SLC41A2: variants seen among roughly 807,000 people sequenced by gnomAD.
The protein encoded by SLC41A2 is solute carrier family 41 member 2, also known as SLC41A1-like 1.
SLC41A2 carries 32 observed loss-of-function variants against 58.3 expected under a neutral mutation model. The ratio of observed to expected loss-of-function variants is 0.55; its 90% CI spans 0.41 to 0.74. The LOEUF (loss-of-function observed/expected upper bound fraction) is 0.74. Ranked by LOEUF, SLC41A2 falls within the 30% of genes least tolerant of loss-of-function variation. The probability of loss-of-function intolerance (pLI) is 0.00; values close to 1 mark genes in which losing one functional copy is unlikely to be tolerated. For missense variants in SLC41A2, 514 were observed against 680.6 expected (o/e 0.76, Z 2.72); for synonymous variants, 190 against 235.0 (o/e 0.81, Z 1.75).
intron 10 of SLC41A2, among the ~76,000 whole-genome samples, chr12:104,818,877 A>AAAAT (rs3039338): frequency 0.5 from 73,804 of 149,068 alleles, 18,938 homozygotes; most frequent in Middle Eastern, 0.56. Flanking sequence ...ACTCCATCTC[A>AAAAT]AAATAAATAA....
intron 6 of SLC41A2, among the ~76,000 whole-genome samples, chr12:104,884,830 C>T (rs1331850980): frequency 6.6e-6 from 1 of 152,208 alleles, no homozygotes; most frequent in Non-Finnish European, 1.5e-5. Flanking sequence ...AGTTATCCAA[C>T]TGTCTGGCTG....
At chr12:104,938,590 T>C (rs529350676) in intron 1 of SLC41A2, among the ~76,000 whole-genome samples, 1 of 152,166 alleles carries the variant, frequency 6.6e-6, no homozygotes, top group African/African-American at 2.4e-5. Context: ...GAGAATGGCA[T>C]GTCCTAGGCA....
intron 1 of SLC41A2, among the ~76,000 whole-genome samples, chr12:104,939,923 T>C (rs903812571): frequency 6.6e-6 from 1 of 152,174 alleles, no homozygotes; most frequent in Non-Finnish European, 1.5e-5. Context: ...TTATGGTTAT[T>C]ATATATTCTT....
intron 1 of SLC41A2, among the ~76,000 whole-genome samples, chr12:104,957,365 G>T (rs1344980701): frequency 6.6e-6 from 1 of 152,186 alleles, no homozygotes; most frequent in Non-Finnish European, 1.5e-5. Context: ...GTGGCTAGTG[G>T]GGTGGGGTCA....
At position 104,804,532 on chromosome 12, in the gene SLC41A2, C is replaced by T. The variant is rs2040824632; in HGVS notation, c.*620G>A. On this transcript the variant is annotated 3_prime_UTR_variant, in exon 11 of 11. Transcript: ENST00000258538. ...AGATCACTCAATGTTTAAAGATTAGCCTGACAAGAACTTGCAGAGCTGAAA... is the reference window on the plus strand; with the variant it reads ...AGATCACTCAATGTTTAAAGATTAGTCTGACAAGAACTTGCAGAGCTGAAA... 1 of 152,144 alleles carries T rather than the reference C, an allele frequency of 6.6e-6. No homozygotes were observed. 9.4% of individuals were successfully genotyped at this position (152,144 alleles called of 1,614,324 possible). A position where few individuals can be genotyped will look rare whatever the true frequency, so the allele number is the denominator to read the frequency against.
In SLC41A2 at chr12:104,908,291, T is replaced by A. The variant is rs903754525; in HGVS notation, c.663+1364A>T. Among the ~76,000 whole-genome samples, 4 of 152,172 alleles carry A rather than the reference T, an allele frequency of 2.6e-5. No homozygotes were observed. The East Asian group carries it at 7.7e-4, about 29-fold the overall frequency. On this transcript the variant is annotated intron_variant, in intron 3 of 10. Coordinates refer to ENST00000258538, the MANE Select transcript of SLC41A2 (RefSeq NM_001352171.3). The stretch of plus-strand genomic sequence containing the variant: ...AAAAATAAAAAATTAAGCAAACTAG[T>A]AATGTTAATAAAACATTATTTTATG...
At chr12:104,881,839 T>C (rs2044385966) in intron 6 of SLC41A2, among the ~76,000 whole-genome samples, 1 of 152,204 alleles carries the variant, frequency 6.6e-6, no homozygotes, top group African/African-American at 2.4e-5. Flanking sequence ...GTCCACTTGG[T>C]GCAGAGCTGA....
At chr12:104,809,945 G>A (rs950679202) in intron 10 of SLC41A2, among the ~76,000 whole-genome samples, 5 of 152,228 alleles carry the variant, frequency 3.3e-5, no homozygotes, top group South Asian at 4.1e-4. Flanking sequence ...TCACACCTGC[G>A]TCTTCAGTAC....
At chr12:104,929,103 G>A (rs1036645229) in intron 1 of SLC41A2, among the ~76,000 whole-genome samples, 2 of 151,942 alleles carry the variant, frequency 1.3e-5, no homozygotes, top group African/African-American at 4.8e-5. Flanking sequence ...AAGATATATG[G>A]CATTATACTT....
At chr12:104,812,173 A>G (rs970981667) in intron 10 of SLC41A2, among the ~76,000 whole-genome samples, 1 of 152,214 alleles carries the variant, frequency 6.6e-6, no homozygotes. Flanking sequence ...GGAGGCCCCC[A>G]GTTAAATGGT....
At chr12:104,891,713 A>G (rs2135681319) in intron 4 of SLC41A2, among the ~76,000 whole-genome samples, 1 of 152,022 alleles carries the variant, frequency 6.6e-6, no homozygotes, top group East Asian at 1.9e-4. Context: ...GATAAGAGAA[A>G]GAAATGAAGG....
At chr12:104,842,936 CA>C (rs2042467102) in intron 10 of SLC41A2, among the ~76,000 whole-genome samples, 1 of 151,932 alleles carries the variant, frequency 6.6e-6, no homozygotes, top group Non-Finnish European at 1.5e-5. Flanking sequence ...ATCAGCAAAC[CA>C]AACACTAGTC....
chr12:104,891,962 T>C (rs908185527), intron 4 of SLC41A2, among the ~76,000 whole-genome samples: 1 of 152,076 alleles, frequency 6.6e-6, no homozygotes, highest in South Asian at 2.1e-4. Flanking sequence ...TAAAATAAGA[T>C]AGACCTAGAA....
intron 8 of SLC41A2, among the ~76,000 whole-genome samples, chr12:104,849,838 G>A (rs914224760): frequency 1.3e-5 from 2 of 152,018 alleles, no homozygotes; most frequent in African/African-American, 4.8e-5. Flanking sequence ...TAGTAAGTAA[G>A]TAAGTAAATA....
chr12:104,927,588 A>C (rs981585256), intron 2 of SLC41A2, among the ~76,000 whole-genome samples: 6 of 152,154 alleles, frequency 3.9e-5, no homozygotes, highest in Admixed American at 6.5e-5. Flanking sequence ...GAGATAAGGA[A>C]TAGGAGAAAC....
intron 10 of SLC41A2, among the ~76,000 whole-genome samples, chr12:104,832,474 C>A (rs1409963928): frequency 6.6e-6 from 1 of 152,164 alleles, no homozygotes; most frequent in Non-Finnish European, 1.5e-5. Flanking sequence ...ACCCCATCAA[C>A]AGGACAGTCA....
At chr12:104,924,703 C>A (rs2046758428) in intron 2 of SLC41A2, among the ~76,000 whole-genome samples, 1 of 151,520 alleles carries the variant, frequency 6.6e-6, no homozygotes, top group African/African-American at 2.4e-5. Context: ...GAGACTGCAC[C>A]ATTGCACTCC....
chr12:104,893,860 G>C (rs975475273), intron 4 of SLC41A2, among the ~76,000 whole-genome samples: 1 of 152,112 alleles, frequency 6.6e-6, no homozygotes, highest in Non-Finnish European at 1.5e-5. Context: ...AGGCTGGGAA[G>C]GGTAGTAGGA....
intron 10 of SLC41A2, among the ~76,000 whole-genome samples, chr12:104,807,219 A>G (rs1173363773): frequency 1.3e-5 from 2 of 152,178 alleles, no homozygotes; most frequent in Non-Finnish European, 2.9e-5. Flanking sequence ...TAAGTCTTTA[A>G]TCCATCTCGA....
Sources: allele counts gnomAD v4.1 joint callset (sites outside exome capture counted in the v4.1 genomes callset), GRCh38; gene constraint gnomAD v4.1.1; transcripts MANE v1.5; gene names NCBI Gene and HGNC (gene_info 2026-07-23, HGNC 2026-07-21).